Variants in PCED1B observed in about 807,000 individuals in gnomAD.
PCED1B encodes the protein PC-esterase domain-containing protein 1B.
For missense variants in PCED1B, 573 were observed against 573.9 expected (o/e 1.00, Z 0.02); for synonymous variants, 251 against 246.1 (o/e 1.02, Z -0.19).
At chr12:47,215,766 G>A (rs1275248281) in intron 2 of PCED1B, among the ~76,000 whole-genome samples, 6 of 152,034 alleles carry the variant, frequency 3.9e-5, no homozygotes, top group South Asian at 2.1e-4. Flanking sequence ...ATTTAAAAGC[G>A]GTTTGTGGCC....
intron 2 of PCED1B, among the ~76,000 whole-genome samples, chr12:47,170,811 T>C (rs1048165060): frequency 6.6e-6 from 1 of 152,168 alleles, no homozygotes; most frequent in Non-Finnish European, 1.5e-5. Context: ...TTCTATCTTA[T>C]TTAATATTTA....
intron 3 of PCED1B, 125 bp from the exon 4 acceptor site, chr12:47,234,882 G>T: frequency 2.1e-6 from 1 of 474,304 alleles, no homozygotes; most frequent in Non-Finnish European, 3.6e-6. Flanking sequence ...GGCACTCCAG[G>T]TCCACTCCCT....
chr12:47,137,670 T>C (rs778629492), intron 2 of PCED1B, among the ~76,000 whole-genome samples: 74 of 148,444 alleles, frequency 5.0e-4, no homozygotes, highest in Middle Eastern at 3.4e-3. Context: ...TGAGGCTGCA[T>C]TGAGCTGAAA....
chr12:47,145,331 A>T lies in PCED1B; in HGVS notation c.-526+41136A>T, dbSNP rs373688581. On this transcript the variant is annotated intron_variant, in intron 2 of 3. Transcript: ENST00000546455. ...AGGAAAGAAGCCGTTTCCATTACAT[A>T]AAAGTGCAAGGTGAAGCAACAAGTG... 4.1e-4 allele frequency among the ~76,000 whole-genome samples: 63 copies of T among 152,342 alleles called. No individual in the cohort carries two copies. In the South Asian group the frequency reaches 4.1e-3, roughly 10 times the overall value.
At chr12:47,202,186 G>A (rs556030949) in intron 2 of PCED1B, among the ~76,000 whole-genome samples, 3 of 152,294 alleles carry the variant, frequency 2.0e-5, no homozygotes, top group African/African-American at 7.2e-5. Context: ...AATTCATTAA[G>A]AGTTATTTGC....
chr12:47,135,575 A>G, intron 2 of PCED1B: 1 of 513,752 alleles, frequency 1.9e-6, no homozygotes, highest in Non-Finnish European at 4.0e-6. Context: ...ATGTTCAGGC[A>G]CTTGGCAGTG....
At chr12:47,100,713 C>G (rs955552450) in intron 1 of PCED1B, among the ~76,000 whole-genome samples, 3 of 152,242 alleles carry the variant, frequency 2.0e-5, no homozygotes, top group African/African-American at 7.2e-5. Context: ...AAAGACCAAA[C>G]AGACTGGATT....
At chr12:47,219,390 C>T (rs907993511) in intron 3 of PCED1B, among the ~76,000 whole-genome samples, 4 of 152,184 alleles carry the variant, frequency 2.6e-5, no homozygotes, top group South Asian at 2.1e-4. Flanking sequence ...TGACTCAACC[C>T]TAGATTCCTG....
intron 1 of PCED1B, among the ~76,000 whole-genome samples, chr12:47,091,063 ATC>A (rs1565741226): frequency 6.6e-6 from 1 of 151,996 alleles, no homozygotes; most frequent in African/African-American, 2.4e-5. Context: ...ATGCCTTGAA[ATC>A]TGTTTGATGG....
At chr12:47,215,321 T>G (rs1229433913) in intron 2 of PCED1B, among the ~76,000 whole-genome samples, 1 of 151,270 alleles carries the variant, frequency 6.6e-6, no homozygotes, top group African/African-American at 2.4e-5. Flanking sequence ...TGGGACGATT[T>G]TGGCTCACTG....
intron 2 of PCED1B, among the ~76,000 whole-genome samples, chr12:47,197,500 C>T (rs536937396): frequency 6.5e-4 from 99 of 151,452 alleles, no homozygotes; most frequent in African/African-American, 2.3e-3. Context: ...CCCAGCTACT[C>T]GGGAGGCTGA....
At chr12:47,112,188 A>G (rs570179190) in intron 2 of PCED1B, among the ~76,000 whole-genome samples, 5 of 152,334 alleles carry the variant, frequency 3.3e-5, no homozygotes, top group African/African-American at 1.2e-4. Context: ...TCTATGGCCA[A>G]TACTGCACCA....
At chr12:47,093,766 T>C (rs1938362457) in intron 1 of PCED1B, among the ~76,000 whole-genome samples, 2 of 152,072 alleles carry the variant, frequency 1.3e-5, no homozygotes, top group African/African-American at 4.8e-5. Flanking sequence ...TTAGCTTAAC[T>C]TCCACTGTGG....
chr12:47,165,452 A>G (rs1371548252), intron 2 of PCED1B, among the ~76,000 whole-genome samples: 1 of 152,210 alleles, frequency 6.6e-6, no homozygotes, highest in Non-Finnish European at 1.5e-5. Context: ...TGCATGGGGA[A>G]AGATTCTGAG....
At chr12:47,217,476 GA>G (rs765967984) in intron 3 of PCED1B, among the ~76,000 whole-genome samples, 1 of 100,166 alleles carries the variant, frequency 1.0e-5, no homozygotes, top group Non-Finnish European at 2.1e-5. Flanking sequence ...GAAAGAGAAA[GA>G]AAGAAAGAAA....
At chr12:47,115,063 T>G (rs777602536) in intron 2 of PCED1B, among the ~76,000 whole-genome samples, 5 of 152,212 alleles carry the variant, frequency 3.3e-5, no homozygotes, top group Non-Finnish European at 5.9e-5. Context: ...TACCTGTTTA[T>G]CTAAGTGTAT....
intron 2 of PCED1B, chr12:47,210,607 A>T (rs1943047213): frequency 6.6e-6 from 1 of 152,142 alleles, no homozygotes; most frequent in Admixed American, 6.5e-5. Flanking sequence ...CTCTACTAAA[A>T]ATACAAAATT....
chr12:47,092,562 T>A (rs1938311474), intron 1 of PCED1B, among the ~76,000 whole-genome samples: 1 of 152,054 alleles, frequency 6.6e-6, no homozygotes, highest in East Asian at 1.9e-4. Context: ...AATGTTAGAC[T>A]GAAATGATGA....
At chr12:47,198,580 A>AAAAC (rs1018051360) in intron 2 of PCED1B, among the ~76,000 whole-genome samples, 2 of 152,098 alleles carry the variant, frequency 1.3e-5, no homozygotes, top group Non-Finnish European at 2.9e-5. Flanking sequence ...AAAAAAACAA[A>AAAAC]AAACAAACAA....
Sources: allele counts gnomAD v4.1 joint callset (sites outside exome capture counted in the v4.1 genomes callset), GRCh38; gene constraint gnomAD v4.1.1; transcripts MANE v1.5; gene names NCBI Gene and HGNC (gene_info 2026-07-23, HGNC 2026-07-21).